The following NEK7 variants were observed in gnomAD, a reference collection of about 807,000 sequenced individuals.
NEK7 encodes serine/threonine-protein kinase Nek7.
Under a neutral mutation model 44.6 loss-of-function variants are expected in NEK7, and 18 were observed. That is an observed-to-expected ratio of 0.40 (90% confidence interval 0.28 to 0.60). NEK7 has a LOEUF of 0.60. Ranked by LOEUF, NEK7 falls within the 20% of genes least tolerant of loss-of-function variation. NEK7 has a pLI of 0.38. For synonymous variants in NEK7, 130 were observed against 121.1 expected, an observed-to-expected ratio of 1.07 and a Z score of -0.48; for missense variants, 256 against 366.5, an observed-to-expected ratio of 0.70 and a Z score of 2.46.
chr1:198,166,559 ATTGGCTTAATTTTCATTATTG>A (rs1409526085), intron 1 of NEK7, among the ~76,000 whole-genome samples: 1 of 152,124 alleles, frequency 6.6e-6, no homozygotes, highest in Non-Finnish European at 1.5e-5. Flanking sequence ...AGGGTTATTA[ATTGGCTTAATTTTCATTATTG>A]TTGTGTCTCA....
At chr1:198,291,365 G>C (rs1176951816) in intron 7 of NEK7, among the ~76,000 whole-genome samples, 1 of 152,030 alleles carries the variant, frequency 6.6e-6, no homozygotes, top group African/African-American at 2.4e-5. Context: ...TCCAATAATT[G>C]GTGTCACTTA....
intron 1 of NEK7, among the ~76,000 whole-genome samples, chr1:198,187,351 A>G (rs1664951377): frequency 6.6e-6 from 1 of 152,200 alleles, no homozygotes; most frequent in South Asian, 2.1e-4. Flanking sequence ...TAGTCCCTAT[A>G]TCTCATCAGG....
intron 1 of NEK7, among the ~76,000 whole-genome samples, chr1:198,202,476 T>G (rs532747198): frequency 5.3e-5 from 8 of 152,354 alleles, no homozygotes; most frequent in South Asian, 2.1e-4. Flanking sequence ...GCAGGTGGTG[T>G]TCCACGTCCG....
At chr1:198,159,224 A>G (rs1664020183) in intron 1 of NEK7, among the ~76,000 whole-genome samples, 1 of 151,932 alleles carries the variant, frequency 6.6e-6, no homozygotes, top group Non-Finnish European at 1.5e-5. Context: ...CTGGGCTCGG[A>G]GAAGGCCGCG....
chr1:198,219,677 T>C (rs892220315), intron 1 of NEK7, among the ~76,000 whole-genome samples: 3 of 151,946 alleles, frequency 2.0e-5, no homozygotes, highest in Non-Finnish European at 4.4e-5. Context: ...TAAAACATCA[T>C]TATTGTATAA....
intron 1 of NEK7, among the ~76,000 whole-genome samples, chr1:198,201,460 G>C (rs1044437673): frequency 6.6e-6 from 1 of 151,984 alleles, no homozygotes; most frequent in African/African-American, 2.4e-5. Context: ...TATTTTTATG[G>C]CTGCTTTGCC....
chr1:198,199,989 T>C (rs563102391), intron 1 of NEK7, among the ~76,000 whole-genome samples: 3 of 152,314 alleles, frequency 2.0e-5, no homozygotes, highest in African/African-American at 7.2e-5. Context: ...TGTCCTATTT[T>C]GCCTCCTTTC....
intron 1 of NEK7, among the ~76,000 whole-genome samples, chr1:198,231,340 A>G (rs1288168433): frequency 8.5e-6 from 1 of 118,330 alleles, no homozygotes; most frequent in Non-Finnish European, 1.7e-5. Context: ...TATATATAAA[A>G]ACACATGATC....
chr1:198,223,342 T>C (rs1242124458), intron 1 of NEK7, among the ~76,000 whole-genome samples: 1 of 152,204 alleles, frequency 6.6e-6, no homozygotes, highest in Non-Finnish European at 1.5e-5. Context: ...ATTTTGGAAG[T>C]AGAACAAATG....
intron 1 of NEK7, among the ~76,000 whole-genome samples, chr1:198,169,936 A>G (rs955596815): frequency 2.0e-5 from 3 of 152,030 alleles, no homozygotes; most frequent in Non-Finnish European, 4.4e-5. Context: ...AAAGAATGGC[A>G]GATGACTGCT....
At position 198,312,889 on chromosome 1, in the gene NEK7, G is replaced by A. The variant is rs187173218; in HGVS notation, c.799-6523G>A. Among the ~76,000 whole-genome samples, 111 of 152,230 alleles carry A rather than the reference G, an allele frequency of 7.3e-4. 1 individual carries two copies. The East Asian group carries it at 0.016, about 22-fold the overall frequency. ...TGGTCAATTTTGGAATAGGTGTGGC[G>A]TGGTGCTGAAAAAAATGTATTTTCT... On this transcript the variant is annotated intron_variant, in intron 9 of 9. Transcript: ENST00000367385.
intron 7 of NEK7, among the ~76,000 whole-genome samples, chr1:198,288,614 A>C (rs538714100): frequency 6.6e-6 from 1 of 152,306 alleles, no homozygotes; most frequent in Non-Finnish European, 1.5e-5. Flanking sequence ...TTACCTGACC[A>C]ACTTCCCTAT....
At chr1:198,311,054 T>C (rs1367508473) in intron 9 of NEK7, among the ~76,000 whole-genome samples, 3 of 149,472 alleles carry the variant, frequency 2.0e-5, no homozygotes, top group Non-Finnish European at 3.0e-5. Flanking sequence ...ACGATATTGA[T>C]TCTTCCTACC....
chr1:198,301,924 A>G (rs1160545343), intron 9 of NEK7, among the ~76,000 whole-genome samples: 3 of 152,232 alleles, frequency 2.0e-5, no homozygotes, highest in Non-Finnish European at 4.4e-5. Flanking sequence ...GAAGGATACA[A>G]TATTTGTGGT....
At chr1:198,206,669 C>G (rs1665608941) in intron 1 of NEK7, among the ~76,000 whole-genome samples, 1 of 151,710 alleles carries the variant, frequency 6.6e-6, no homozygotes, top group Non-Finnish European at 1.5e-5. Context: ...GCAACAGCTC[C>G]AAAAAGATTT....
chr1:198,293,435 C>T (rs940339026), intron 8 of NEK7, among the ~76,000 whole-genome samples: 5 of 151,924 alleles, frequency 3.3e-5, no homozygotes, highest in African/African-American at 9.6e-5. Flanking sequence ...TTTTATTTCA[C>T]TTTTACACAG....
At chr1:198,173,635 A>G (rs949398354) in intron 1 of NEK7, among the ~76,000 whole-genome samples, 13 of 151,614 alleles carry the variant, frequency 8.6e-5, no homozygotes, top group Non-Finnish European at 1.6e-4. Context: ...TCTTTATGAC[A>G]CTTTAGCATT....
intron 1 of NEK7, among the ~76,000 whole-genome samples, chr1:198,217,026 C>G (rs1571540994): frequency 6.6e-6 from 1 of 151,932 alleles, no homozygotes. Flanking sequence ...ACCAGACATT[C>G]AAGGAAGAAT....
intron 1 of NEK7, among the ~76,000 whole-genome samples, chr1:198,205,206 G>T (rs932072254): frequency 6.6e-6 from 1 of 152,226 alleles, no homozygotes; most frequent in Admixed American, 6.5e-5. Context: ...TATTAGTGGG[G>T]CCAAAAACAG....
Sources: gnomAD v4.1 joint callset for allele counts (sites outside exome capture counted in the v4.1 genomes callset) on GRCh38, gnomAD v4.1.1 for gene constraint, MANE v1.5 for transcripts, NCBI Gene and HGNC (gene_info 2026-07-23, HGNC 2026-07-21) for gene names.